NBPF12: variants seen among roughly 807,000 people sequenced by gnomAD.
NBPF12 encodes the protein NBPF member 12, also known as NBPF family member NBPF12.
In NBPF12, 115 loss-of-function variants were observed where a neutral mutation model predicts 146.4. The ratio of observed to expected loss-of-function variants is 0.79; its 90% CI spans 0.68 to 0.92. The LOEUF (loss-of-function observed/expected upper bound fraction) is 0.92, where lower values mean the gene tolerates loss of function less well. NBPF12 is among the 40% of genes least tolerant of loss of function. The probability of loss-of-function intolerance (pLI) is 0.00; values close to 1 mark genes in which losing one functional copy is unlikely to be tolerated. For synonymous variants in NBPF12, 385 were observed against 508.9 expected, an observed-to-expected ratio of 0.76 and a Z score of 3.28; for missense variants, 1,205 against 1,326.8, an observed-to-expected ratio of 0.91 and a Z score of 1.43.
chr1:146,971,139 CTG>C (rs1168641279), intron 12 of NBPF12, 42 bp from the exon 16 acceptor site: 1 of 1,609,716 alleles, frequency 6.2e-7, no homozygotes, highest in Non-Finnish European at 8.5e-7. Flanking sequence ...TCCAATCCCT[CTG>C]TGTTTAATCT....
exon 34 of NBPF12, chr1:146,995,404 T>G (rs376928296): frequency 7.3e-6 from 1 of 136,608 alleles, no homozygotes; most frequent in South Asian, 2.6e-4. Flanking sequence ...CCTGTCTCCT[T>G]CACATAGTCC....
Position 146,966,637 on chromosome 1 carries a change from C to G in NBPF12, c.952C>G (p.Leu318Val), listed in dbSNP as rs1553885683. The G allele has an allele frequency of 8.9e-3, 13,349 of 1,493,688 alleles. 292 individuals carry two copies. The highest frequency in any genetic ancestry group is 0.051 in the African/African-American group (3,577 of 70,188). The allele number at this position is 1,493,688 out of a possible 1,614,324, so 92.5% of individuals were successfully genotyped here. A position where few individuals can be genotyped will look rare whatever the true frequency, so the allele number is the denominator to read the frequency against. Residue 318 changes from leucine to valine, a missense_variant, in exon 9 of 34, where the codon CTG becomes GTG. By Grantham distance (32) the Leu-to-Val change is conservative. This residue lies in a region of NBPF12 where 325 missense variants were observed against 236.6 expected (regional missense o/e 1.37). Coordinates refer to ENST00000617844, the Ensembl canonical transcript of NBPF12. The stretch of plus-strand genomic sequence containing the variant: ...CAAAGAGAAATGTTTTGTAACTCAA[C>G]TGGCCGGCTTCCTGGCCAAGCAGCA...
intron 19 of NBPF12, among the ~76,000 whole-genome samples, chr1:146,982,635 C>G (rs1657466209): frequency 6.6e-6 from 1 of 151,296 alleles, no homozygotes; most frequent in Non-Finnish European, 1.5e-5. Flanking sequence ...AGCCCTGTGT[C>G]AGTTCTCTGT....
At chr1:146,973,680 C>T (rs1656805335) in intron 14 of NBPF12, among the ~76,000 whole-genome samples, 1 of 148,442 alleles carries the variant, frequency 6.7e-6, no homozygotes, top group Non-Finnish European at 1.5e-5. Flanking sequence ...CACCCCTGCT[C>T]AGGAGGCTGA....
At chr1:146,976,128 G>A (rs1172329992) in intron 16 of NBPF12, among the ~76,000 whole-genome samples, 2 of 149,058 alleles carry the variant, frequency 1.3e-5, no homozygotes, top group African/African-American at 5.0e-5. Context: ...GGAGTAAGAG[G>A]CAGCATCTGT....
At position 146,954,737 on chromosome 1, in the gene NBPF12, A is replaced by G. The variant is rs1409330738; in HGVS notation, c.-184+3248A>G. Among the ~76,000 whole-genome samples the G allele has an allele frequency of 5.3e-5, 8 of 150,136 alleles. No individual in the cohort carries two copies. In the Admixed American group the frequency reaches 5.3e-4, roughly 10 times the overall value. ...CACTACCTATTTCCAGAATTACTCT[A>G]CATACAGCTATGAAAATCAAGATTA... On this transcript the variant is annotated intron_variant, in intron 2 of 33. Coordinates refer to ENST00000617844, the Ensembl canonical transcript of NBPF12.
chr1:146,948,529 C>T (rs1432567013), upstream of NBPF12, among the ~76,000 whole-genome samples: 1 of 151,816 alleles, frequency 6.6e-6, no homozygotes, highest in Non-Finnish European at 1.5e-5. Context: ...CTTTGTTAAA[C>T]AAATGCTTGA....
At chr1:146,970,461 C>G (rs1189482811) in intron 11 of NBPF12, among the ~76,000 whole-genome samples, 186 bp from the exon 15 acceptor site, 19 of 151,036 alleles carry the variant, frequency 1.3e-4, no homozygotes, top group African/African-American at 2.7e-4. Context: ...TGGCCCTCCA[C>G]ATCAGAAATG....
chr1:146,940,764 A>G (rs1553882760), intron 1 of NBPF12, among the ~76,000 whole-genome samples: 4 of 152,010 alleles, frequency 2.6e-5, no homozygotes, highest in East Asian at 3.8e-4. Context: ...CAGTTACCCC[A>G]CATCCTTGCT....
chr1:146,967,701 T>G (rs1157963427), intron 9 of NBPF12, among the ~76,000 whole-genome samples: 2 of 149,950 alleles, frequency 1.3e-5, no homozygotes, highest in Non-Finnish European at 2.9e-5. Context: ...GTGCTTGTCT[T>G]GTCTGTCCCT....
At chr1:146,964,548 T>C in intron 7 of NBPF12, 119 bp downstream of exon 10, 1 of 1,539,442 alleles carries the variant, frequency 6.5e-7, no homozygotes, top group Non-Finnish European at 9.0e-7. Flanking sequence ...CCACAGTATG[T>C]GAAATTCAAC....
At chr1:146,962,613 C>T (rs1410568072) in intron 5 of NBPF12, among the ~76,000 whole-genome samples, 1 of 151,558 alleles carries the variant, frequency 6.6e-6, no homozygotes, top group Non-Finnish European at 1.5e-5. Context: ...CACCTTCTGA[C>T]TGACTGCGTC....
chr1:146,965,634 A>G (rs1352754950), intron 8 of NBPF12, among the ~76,000 whole-genome samples: 1 of 149,408 alleles, frequency 6.7e-6, no homozygotes, highest in Non-Finnish European at 1.5e-5. Flanking sequence ...TACAAAAAAA[A>G]AAAAAAAATT....
At chr1:146,939,811 A>G (rs1297161362) in intron 1 of NBPF12, among the ~76,000 whole-genome samples, 10 of 151,766 alleles carry the variant, frequency 6.6e-5, no homozygotes, top group South Asian at 2.1e-4. Context: ...GTGAAACCCC[A>G]TCTCTACTGA....
At position 146,980,142 on chromosome 1, in the gene NBPF12, C is replaced by A. The variant is rs1167254712; in HGVS notation, c.2450+1132C>A. Reference sequence around the variant, plus strand: ...TCAGAGACTAGGATTGCAACCCCTGCATTTTTTTGCTTTCCATTTGCTTGG... The same window carrying A: ...TCAGAGACTAGGATTGCAACCCCTGAATTTTTTTGCTTTCCATTTGCTTGG... On this transcript the variant is annotated intron_variant, in intron 19 of 33. Coordinates refer to ENST00000617844, the Ensembl canonical transcript of NBPF12. Among the ~76,000 whole-genome samples the A allele has an allele frequency of 8.7e-3, 1,330 of 152,074 alleles. 32 individuals are homozygous for A. Among genetic ancestry groups the A allele is most frequent in the African/African-American group, 0.031 (1,274 of 41,388 alleles).
chr1:146,972,990 G>C (rs1553886834), intron 14 of NBPF12, 30 bp downstream of exon 17: 1 of 900,360 alleles, frequency 1.1e-6, no homozygotes, highest in African/African-American at 1.6e-5. Context: ...CATCATGAAA[G>C]TGATGAACGA....
upstream of NBPF12, among the ~76,000 whole-genome samples, chr1:146,949,020 A>G (rs1655203206): frequency 6.6e-6 from 1 of 151,712 alleles, no homozygotes. Context: ...ACATTTGTTC[A>G]CGTGTTTACC....
chr1:146,963,441 A>C lies in NBPF12; in HGVS notation c.493+132A>C, dbSNP rs1347002323. 15 of 1,583,792 alleles carry C rather than the reference A, an allele frequency of 9.5e-6. No individual in the cohort carries two copies. The African/African-American group carries it at 1.9e-4, about 20-fold the overall frequency. ...ACACATATGTGGCCATGACATGATC[A>C]GGACTTCCTGGGTAAGAACAGAAAT... On this transcript the variant is annotated intron_variant, in intron 6 of 33. Coordinates refer to ENST00000617844, the Ensembl canonical transcript of NBPF12.
chr1:146,962,988 G>A, intron 5 of NBPF12, 107 bp from the exon 9 acceptor site: 2 of 827,440 alleles, frequency 2.4e-6, no homozygotes, highest in South Asian at 3.0e-5. Context: ...CTGACCTTCT[G>A]CTTGAAGGTC....
Sources: allele counts gnomAD v4.1 joint callset (sites outside exome capture counted in the v4.1 genomes callset), GRCh38; gene constraint gnomAD v4.1.1; regional missense constraint gnomAD v4.1.1; transcripts MANE v1.5; gene names NCBI Gene and HGNC (gene_info 2026-07-23, HGNC 2026-07-21).